The following ZDHHC21 variants were observed in gnomAD, a reference collection of about 807,000 sequenced individuals.
ZDHHC21 encodes zDHHC palmitoyltransferase 21, also known as palmitoyltransferase ZDHHC21.
In ZDHHC21, 15 loss-of-function variants were observed where a neutral mutation model predicts 34.6. That is an observed-to-expected ratio of 0.43 (90% confidence interval 0.29 to 0.67). The LOEUF (loss-of-function observed/expected upper bound fraction) is 0.67, where lower values mean the gene tolerates loss of function less well. Among genes scored for constraint, ZDHHC21 ranks in the 30% least tolerant of loss-of-function variants. The pLI is 0.14. For missense variants in ZDHHC21, 344 were observed against 327.7 expected (o/e 1.05, Z -0.38); for synonymous variants, 142 against 101.8 (o/e 1.40, Z -2.38).
chr9:14,652,431 T>G (rs541231457), intron 7 of ZDHHC21, among the ~76,000 whole-genome samples: 77 of 152,086 alleles, frequency 5.1e-4, no homozygotes, highest in African/African-American at 1.8e-3. Context: ...AAAAGATAAA[T>G]TCAAGTATTT....
chr9:14,674,159 AC>A (rs1214404674), intron 4 of ZDHHC21, 27 bp downstream of exon 4: 1 of 1,435,710 alleles, frequency 7.0e-7, no homozygotes, highest in Admixed American at 2.7e-5. Flanking sequence ...AAATAATTAT[AC>A]AAGAAAATAA....
At chr9:14,675,868 G>C (rs1836283232) in intron 3 of ZDHHC21, among the ~76,000 whole-genome samples, 1 of 151,920 alleles carries the variant, frequency 6.6e-6, no homozygotes, top group Admixed American at 6.6e-5. Flanking sequence ...AGTTATCTAA[G>C]CAATGAAAAG....
intron 7 of ZDHHC21, among the ~76,000 whole-genome samples, chr9:14,654,082 C>T (rs112281887): frequency 3.3e-5 from 5 of 151,922 alleles, no homozygotes; most frequent in South Asian, 2.1e-4. Context: ...CAAGTAGAAC[C>T]GGAGACTCAG....
At chr9:14,641,519 T>C (rs1829374335) in intron 7 of ZDHHC21, among the ~76,000 whole-genome samples, 1 of 152,034 alleles carries the variant, frequency 6.6e-6, no homozygotes, top group Non-Finnish European at 1.5e-5. Context: ...TGTGAAAAAA[T>C]CCTAGATGAA....
chr9:14,603,179 TTTG>T, the ZDHHC21 span, among the ~76,000 whole-genome samples: 2 of 152,148 alleles, frequency 1.3e-5, no homozygotes, highest in East Asian at 3.9e-4. Context: ...ATGAATACAT[TTTG>T]TTGTGTTTAA....
At chr9:14,590,048 G>GT in the ZDHHC21 span, 2 of 152,138 alleles carry the variant, frequency 1.3e-5, no homozygotes, top group Non-Finnish European at 2.9e-5. Context: ...TTATAACCAT[G>GT]TTTAAGTATT....
In ZDHHC21 at chr9:14,618,386, A is replaced by AG. The variant is rs1292103550; in HGVS notation, c.*579dup. On this transcript the variant is annotated 3_prime_UTR_variant, in exon 10 of 10. Coordinates refer to ENST00000380916, the MANE Select transcript of ZDHHC21 (RefSeq NM_178566.6). Reference sequence around the variant, plus strand: ...GGTGAAGAAAAAAGAAGAAAACGTAAGCAAGCCACTCCTAAGAAACCAATG... The same window carrying AG: ...GGTGAAGAAAAAAGAAGAAAACGTAAGGCAAGCCACTCCTAAGAAACCAATG... 6.6e-6 allele frequency: 1 copy of AG among 152,586 alleles called. No homozygotes were observed. The highest frequency in any genetic ancestry group is 1.5e-5 in the Non-Finnish European group (1 of 68,004). The allele number at this position is 152,586 out of a possible 1,614,324, so 9.5% of individuals were successfully genotyped here. A position where few individuals can be genotyped will look rare whatever the true frequency, so the allele number is the denominator to read the frequency against.
At chr9:14,643,856 G>C (rs1375162616) in intron 7 of ZDHHC21, among the ~76,000 whole-genome samples, 1 of 152,022 alleles carries the variant, frequency 6.6e-6, no homozygotes, top group South Asian at 2.1e-4. Flanking sequence ...TTGTTCCCTT[G>C]GTTTGTTTAT....
intron 1 of ZDHHC21, 129 bp from the exon 2 acceptor site, chr9:14,690,514 T>G: frequency 2.7e-6 from 1 of 371,972 alleles, no homozygotes. Flanking sequence ...CCTGCCCTTT[T>G]GTAGAAGGGG....
chr9:14,629,855 T>G lies in ZDHHC21; in HGVS notation c.621+10041A>C, dbSNP rs1827016086. Among the ~76,000 whole-genome samples, 3 of 152,268 alleles carry G rather than the reference T, an allele frequency of 2.0e-5. No individual in the cohort carries two copies. The South Asian group carries it at 6.2e-4, about 32-fold the overall frequency. The stretch of plus-strand genomic sequence containing the variant: ...TGAGGTCAAGCGATCGATACCATCC[T>G]GGCCAACATGGTGAAATCCCATCTC... On this transcript the variant is annotated intron_variant, in intron 8 of 9. Transcript: ENST00000380916.
At chr9:14,607,101 T>C (rs554694669), downstream of ZDHHC21, among the ~76,000 whole-genome samples, 48 of 66,028 alleles carry the variant, frequency 7.3e-4, no homozygotes, top group African/African-American at 2.8e-3. Flanking sequence ...AAAAAAAAAA[T>C]CTACATGATG....
chr9:14,597,622 C>T, the ZDHHC21 span, among the ~76,000 whole-genome samples: 1 of 152,180 alleles, frequency 6.6e-6, no homozygotes, highest in Non-Finnish European at 1.5e-5. Context: ...GCCCTCACTG[C>T]TGGTACCTGC....
intron 3 of ZDHHC21, 101 bp from the exon 4 acceptor site, chr9:14,674,486 C>T: frequency 1.6e-6 from 1 of 607,880 alleles, no homozygotes; most frequent in African/African-American, 2.0e-5. Flanking sequence ...GTTTTCTTTG[C>T]ATATTTGACA....
intron 7 of ZDHHC21, among the ~76,000 whole-genome samples, chr9:14,650,147 C>T (rs1199634008): frequency 6.6e-6 from 1 of 151,904 alleles, no homozygotes; most frequent in Non-Finnish European, 1.5e-5. Flanking sequence ...TGTTCCATCT[C>T]TCACTAAAAG....
chr9:14,659,983 C>G (rs985857270), intron 6 of ZDHHC21, among the ~76,000 whole-genome samples: 6 of 152,158 alleles, frequency 3.9e-5, no homozygotes, highest in Admixed American at 6.5e-5. Context: ...TGTCTATGAT[C>G]ACAGCATTCT....
chr9:14,603,497 TA>T, the ZDHHC21 span, among the ~76,000 whole-genome samples: 6 of 152,140 alleles, frequency 3.9e-5, no homozygotes, highest in Admixed American at 2.0e-4. Flanking sequence ...ATTGTTGTGG[TA>T]TTTTTCCCCA....
chr9:14,665,279 G>C (rs1392888332), intron 5 of ZDHHC21, among the ~76,000 whole-genome samples: 1 of 133,142 alleles, frequency 7.5e-6, no homozygotes, highest in Non-Finnish European at 1.6e-5. Context: ...GAAATGAAGC[G>C]AGAAGGGAAG....
intron 7 of ZDHHC21, among the ~76,000 whole-genome samples, chr9:14,654,311 A>C (rs932113897): frequency 1.2e-4 from 18 of 152,100 alleles, no homozygotes; most frequent in Non-Finnish European, 2.9e-5. Flanking sequence ...TGCTATATTA[A>C]GACCAATGTT....
intron 8 of ZDHHC21, chr9:14,622,625 A>G: frequency 1.0e-6 from 1 of 985,098 alleles, no homozygotes; most frequent in South Asian, 4.7e-5. Flanking sequence ...CATTCTCACC[A>G]AGCAACACTT....
Sources: gnomAD v4.1 joint callset for allele counts (sites outside exome capture counted in the v4.1 genomes callset) on GRCh38, gnomAD v4.1.1 for gene constraint, MANE v1.5 for transcripts, NCBI Gene and HGNC (gene_info 2026-07-23, HGNC 2026-07-21) for gene names.